MTMR10: variants seen among roughly 807,000 people sequenced by gnomAD.
The protein encoded by MTMR10 is myotubularin-related protein 10.
In MTMR10, 56 loss-of-function variants were observed where a neutral mutation model predicts 88.1. The ratio of observed to expected loss-of-function variants is 0.64; its 90% CI spans 0.51 to 0.79. The LOEUF (loss-of-function observed/expected upper bound fraction) is 0.79. MTMR10 is among the 30% of genes least tolerant of loss of function. The pLI is 0.00. For missense variants in MTMR10, 883 were observed against 924.7 expected (o/e 0.95, Z 0.58); for synonymous variants, 380 against 340.9 (o/e 1.11, Z -1.26).
At chr15:30,985,515 G>C (rs1019769583) in intron 2 of MTMR10, among the ~76,000 whole-genome samples, 1 of 152,208 alleles carries the variant, frequency 6.6e-6, no homozygotes, top group African/African-American at 2.4e-5. Context: ...CTCTGGCTCT[G>C]CCTTGCTAGC....
intron 5 of MTMR10, among the ~76,000 whole-genome samples, chr15:30,970,755 C>T (rs1204827788): frequency 1.3e-5 from 2 of 152,100 alleles, no homozygotes; most frequent in Non-Finnish European, 2.9e-5. Flanking sequence ...AAACCCAACA[C>T]AGCGTATTTT....
In MTMR10 at chr15:30,941,297, TTAAAA is replaced by T. The variant is rs772793403; in HGVS notation, c.*168_*172del. 1.1e-5 allele frequency: 16 copies of T among 1,516,850 alleles called. No individual in the cohort carries two copies. In the African/African-American group the frequency reaches 1.5e-4, roughly 14 times the overall value. The allele number at this position is 1,516,850 out of a possible 1,614,324, so 94.0% of individuals were successfully genotyped here. ...GACAGGAACAAAATTTACATCTCTC[TTAAAA>T]TAAGTGTGAAAGAAGCATGATTCAA... On this transcript the variant is annotated 3_prime_UTR_variant, in exon 16 of 16. Transcript: ENST00000435680.
chr15:30,940,329 C>T lies in MTMR10; in HGVS notation c.*1141G>A. 1 of 985,428 alleles carries T rather than the reference C, an allele frequency of 1.0e-6. No individual in the cohort carries two copies. Among genetic ancestry groups the T allele is most frequent in the Non-Finnish European group, 1.2e-6 (1 of 829,930 alleles). 61.0% of individuals were successfully genotyped at this position (985,428 alleles called of 1,614,324 possible). On this transcript the variant is annotated 3_prime_UTR_variant, in exon 16 of 16. Transcript: ENST00000435680. ...CAAACAACTGTGTCTGCTCATTCTC[C>T]TCAACTTTGCTGTCCAAAGTTGGGG...
In MTMR10 at chr15:30,967,972, G is replaced by T; in HGVS notation, c.513C>A (p.Asp171Glu). 6.3e-7 allele frequency: 1 copy of T among 1,574,904 alleles called. No homozygotes were observed. Among genetic ancestry groups the T allele is most frequent in the Non-Finnish European group, 8.6e-7 (1 of 1,158,888 alleles). The change falls in exon 6 of 16, where the codon GAC becomes GAA. Residue 171 changes from aspartate to glutamate, a missense_variant. By Grantham distance (45) the Asp-to-Glu change is conservative. This residue lies in a region of MTMR10 where 414 missense variants were observed against 423.2 expected (regional missense o/e 0.98). Transcript: ENST00000435680. ...ATTCAAATGCAAAGAGTAGCTGGAG[G>T]TCTGTTGGCTGGGAATAATGAGCTA... Reference protein sequence around the residue: ...LAIAHYSQPTDLQLLFAFEYV... With the variant: ...LAIAHYSQPTELQLLFAFEYV...
chr15:30,944,439 A>T (rs1441773372), intron 14 of MTMR10, among the ~76,000 whole-genome samples: 3 of 151,288 alleles, frequency 2.0e-5, no homozygotes, highest in Non-Finnish European at 4.4e-5. Context: ...GGTGGTGTGC[A>T]CCTGTAGTCC....
In MTMR10 at chr15:30,948,308, C is replaced by G; in HGVS notation, c.1371G>C (p.Glu457Asp). ...LDRCNHLKRS[E>D]KESPLFLLFL... ...GGCATCAAGATTTTGTTACCTCTTT[C>G]TCTGATCTCTTTAGATGGTTGCATC... Residue 457 changes from glutamate (E) to aspartate (D), a missense_variant, in exon 13 of 16, where the codon GAG becomes GAC. Physicochemically the swap from Glu to Asp is conservative, Grantham distance 45. Around this residue, in one of 3 missense-constraint regions of MTMR10, gnomAD observed 126 missense variants for 178.2 expected, o/e 0.71. Transcript: ENST00000435680. 1.2e-6 allele frequency: 2 copies of G among 1,610,850 alleles called. No individual in the cohort carries two copies. Among genetic ancestry groups the G allele is most frequent in the Non-Finnish European group, 1.7e-6 (2 of 1,178,948 alleles).
At chr15:30,944,021 CAAA>C (rs375776610) in intron 14 of MTMR10, 26 of 971,946 alleles carry the variant, frequency 2.7e-5, no homozygotes, top group Non-Finnish European at 3.1e-5. Context: ...AATTTTCTAC[CAAA>C]AAAAAACCCC....
chr15:30,943,543 C>CTT, intron 14 of MTMR10: 1 of 985,386 alleles, frequency 1.0e-6, no homozygotes, highest in Non-Finnish European at 1.2e-6. Flanking sequence ...GGGAGCTACA[C>CTT]TTCACTGAGC....
At chr15:30,920,904 C>T in the MTMR10 span, among the ~76,000 whole-genome samples, 1 of 152,214 alleles carries the variant, frequency 6.6e-6, no homozygotes, top group Non-Finnish European at 1.5e-5. Flanking sequence ...TCACCTCAGC[C>T]TCCTGAGTAG....
At chr15:30,936,911 A>G (rs1268547430), downstream of MTMR10, among the ~76,000 whole-genome samples, 1 of 152,204 alleles carries the variant, frequency 6.6e-6, no homozygotes, top group African/African-American at 2.4e-5. Flanking sequence ...TGTTGAATGT[A>G]TATCACTTTT....
In MTMR10 at chr15:30,941,592, A is replaced by G; in HGVS notation, c.2212T>C (p.Ser738Pro). 6.3e-7 allele frequency: 1 copy of G among 1,599,780 alleles called. No individual in the cohort carries two copies. Among genetic ancestry groups the G allele is most frequent in the Non-Finnish European group, 8.5e-7 (1 of 1,172,718 alleles). Residue 738 changes from serine (S) to proline (P), a missense_variant, in exon 16 of 16, where the codon TCA becomes CCA. Around this residue, in one of 3 missense-constraint regions of MTMR10, gnomAD observed 343 missense variants for 323.2 expected, o/e 1.06. Coordinates refer to ENST00000435680, the MANE Select transcript of MTMR10 (RefSeq NM_017762.3). ...TTCCCTACAGGAGAAAATGGAAATGAGGAGGAGAGAAACTCCGGTGTCCCC... is the reference window on the plus strand; with the variant it reads ...TTCCCTACAGGAGAAAATGGAAATGGGGAGGAGAGAAACTCCGGTGTCCCC... ...TSGTPEFLSS[S>P]FPFSPVGNLC...
the MTMR10 span, chr15:30,928,760 T>TA: frequency 1.9e-6 from 3 of 1,570,736 alleles, no homozygotes; most frequent in East Asian, 4.5e-5. Context: ...CCATCTCTGT[T>TA]ACGGTCCTTT....
At chr15:30,969,115 G>C (rs1374550345) in intron 5 of MTMR10, among the ~76,000 whole-genome samples, 1 of 152,036 alleles carries the variant, frequency 6.6e-6, no homozygotes, top group Non-Finnish European at 1.5e-5. Context: ...GTTTGGAGTG[G>C]GTTGATGCAC....
At chr15:30,942,735 T>TAC in intron 15 of MTMR10, 155 bp downstream of exon 15, 1 of 739,836 alleles carries the variant, frequency 1.4e-6, no homozygotes. Flanking sequence ...AAAGCTGGGA[T>TAC]ACAGTCATTT....
chr15:30,929,805 A>AT, the MTMR10 span, among the ~76,000 whole-genome samples: 1 of 72,406 alleles, frequency 1.4e-5, no homozygotes, highest in African/African-American at 7.3e-5. Flanking sequence ...ATAATATATA[A>AT]AATATATAAT....
chr15:30,947,154 AGG>A lies in MTMR10; in HGVS notation c.1522_1523del (p.Pro508SerfsTer20), dbSNP rs1378748977. ...CCGTGCTTTGCTTCACTCGCTGGTG[AGG>A]GGAGTTGAACAGGAAGGTGCCAAAC... is the stretch of plus-strand genomic sequence containing the variant. ...SLFGTFLFNS[P>X]HQRVKQSTEF... On this transcript the variant is annotated frameshift_variant, in exon 14 of 16. Transcript: ENST00000435680. LOFTEE classifies it high-confidence loss of function. 6.2e-7 allele frequency: 1 copy of A among 1,610,850 alleles called. No homozygotes were observed. Among genetic ancestry groups the A allele is most frequent in the Non-Finnish European group, 8.5e-7 (1 of 1,178,794 alleles).
chr15:30,959,074 A>G lies in MTMR10; in HGVS notation c.806T>C (p.Leu269Pro). Residue 269 changes from leucine (L) to proline (P), a missense_variant, in exon 8 of 16, where the codon CTA (leucine) becomes CCA (proline). Coordinates refer to ENST00000435680, the MANE Select transcript of MTMR10 (RefSeq NM_017762.3). ...AACAAAAGAATGGGAAAAGATCTTT[A>G]GATCTTGGTCTGCTAAAGAACTTGG... ...VVPSSLADQD[L>P]KIFSHSFVGR... 6.2e-7 allele frequency: 1 copy of G among 1,611,948 alleles called. No homozygotes were observed. The highest frequency in any genetic ancestry group is 8.5e-7 in the Non-Finnish European group (1 of 1,178,770).
intron 9 of MTMR10, 86 bp from the exon 10 acceptor site, chr15:30,954,979 A>G (rs186702248): frequency 3.8e-5 from 45 of 1,198,204 alleles, no homozygotes; most frequent in Admixed American, 1.3e-4. Context: ...GGGGATAGAG[A>G]GAGGAATGAG....
the MTMR10 span, among the ~76,000 whole-genome samples, chr15:30,926,111 A>G: frequency 6.6e-6 from 1 of 152,294 alleles, no homozygotes; most frequent in Admixed American, 6.5e-5. Flanking sequence ...GATAAGGAGT[A>G]GGTCAGGGGT....
Sources: allele counts gnomAD v4.1 joint callset (sites outside exome capture counted in the v4.1 genomes callset), GRCh38; gene constraint gnomAD v4.1.1; regional missense constraint gnomAD v4.1.1; transcripts MANE v1.5; gene names NCBI Gene and HGNC (gene_info 2026-07-23, HGNC 2026-07-21).